SHROOM3: variants seen among roughly 807,000 people sequenced by gnomAD.
The protein encoded by SHROOM3 is protein Shroom3.
A neutral mutation model predicts 138.6 loss-of-function variants in SHROOM3; 47 were observed. The ratio of observed to expected loss-of-function variants is 0.34; its 90% CI spans 0.27 to 0.43. The LOEUF is 0.43. Ranked by LOEUF, SHROOM3 falls within the 20% of genes least tolerant of loss-of-function variation. The pLI, the probability that SHROOM3 is intolerant of heterozygous loss-of-function variation, is 1.00. For missense variants in SHROOM3, 2,491 were observed against 2,596.5 expected, an observed-to-expected ratio of 0.96 and a Z score of 0.88; for synonymous variants, 1,062 against 1,063.3, an observed-to-expected ratio of 1.00 and a Z score of 0.02.
chr4:76,550,193 A>T (rs752043782), intron 1 of SHROOM3, among the ~76,000 whole-genome samples: 7 of 152,214 alleles, frequency 4.6e-5, no homozygotes, highest in Non-Finnish European at 1.0e-4. Context: ...CTAGAATATA[A>T]ACTCTGGGAA....
intron 6 of SHROOM3, among the ~76,000 whole-genome samples, chr4:76,753,603 C>T (rs879524839): frequency 5.3e-5 from 8 of 152,164 alleles, no homozygotes; most frequent in Non-Finnish European, 8.8e-5. Flanking sequence ...GATTTTTCTC[C>T]TTTAGAACAC....
chr4:76,482,689 C>G (rs962135498), intron 1 of SHROOM3, among the ~76,000 whole-genome samples: 6 of 152,112 alleles, frequency 3.9e-5, no homozygotes, highest in African/African-American at 1.4e-4. Context: ...CCCACATAGC[C>G]AAGACAATCC....
At chr4:76,540,454 C>A (rs1733074898) in intron 1 of SHROOM3, among the ~76,000 whole-genome samples, 1 of 152,154 alleles carries the variant, frequency 6.6e-6, no homozygotes, top group South Asian at 2.1e-4. Context: ...TAAGTCTAAA[C>A]ACGTAGGGGA....
In SHROOM3 at chr4:76,509,126, T is replaced by C. The variant is rs555528421; in HGVS notation, c.169-46483T>C. ...TGGAGGGACACATACATTCAAACCATAGCAATATGTTTTGCATTTCTTTTG... is the reference window on the plus strand; with the variant it reads ...TGGAGGGACACATACATTCAAACCACAGCAATATGTTTTGCATTTCTTTTG... On this transcript the variant is annotated intron_variant, in intron 1 of 10. Coordinates refer to ENST00000296043, the MANE Select transcript of SHROOM3 (RefSeq NM_020859.4). 2.0e-5 allele frequency among the ~76,000 whole-genome samples: 3 copies of C among 152,350 alleles called. No homozygotes were observed. The East Asian group carries it at 5.8e-4, about 29-fold the overall frequency.
intron 1 of SHROOM3, among the ~76,000 whole-genome samples, chr4:76,489,238 A>AT (rs897956305): frequency 6.6e-6 from 1 of 152,056 alleles, no homozygotes; most frequent in Non-Finnish European, 1.5e-5. Flanking sequence ...AAGATATGCA[A>AT]TTTTTTTTCT....
In SHROOM3 at chr4:76,436,100, C is replaced by T. The variant is rs748351953; in HGVS notation, c.48C>T (p.Asn16=). Residue 16 remains asparagine (N), a synonymous_variant, in exon 1 of 11, where the codon AAC becomes AAT. Coordinates refer to ENST00000296043, the MANE Select transcript of SHROOM3 (RefSeq NM_020859.4). ...EDFHKPSATL[N]SNTATKGRYI... is the part of the protein sequence containing the mutation. ...TCCACAAGCCTAGTGCCACATTAAA[C>T]TCTAACACGGCCACCAAGGGAAGGT... is the stretch of plus-strand genomic sequence containing the variant. 22 of 1,614,032 alleles carry T rather than the reference C, an allele frequency of 1.4e-5. No individual in the cohort carries two copies. In the South Asian group the frequency reaches 2.1e-4, roughly 15 times the overall value.
intron 1 of SHROOM3, among the ~76,000 whole-genome samples, chr4:76,486,614 C>T (rs1277911532): frequency 6.6e-6 from 1 of 152,170 alleles, no homozygotes; most frequent in Non-Finnish European, 1.5e-5. Flanking sequence ...AAGAAAGCTA[C>T]ATGCTGGTGT....
intron 1 of SHROOM3, among the ~76,000 whole-genome samples, chr4:76,450,972 A>G (rs1730914245): frequency 6.7e-6 from 1 of 149,638 alleles, no homozygotes; most frequent in South Asian, 2.1e-4. Flanking sequence ...TTTTTTTGAG[A>G]TGGAGTTTAG....
chr4:76,676,944 CAAAAAAAAAA>C (rs58270392), intron 2 of SHROOM3, among the ~76,000 whole-genome samples: 3 of 79,074 alleles, frequency 3.8e-5, no homozygotes, highest in African/African-American at 5.7e-5. Flanking sequence ...CTCCGTCTCA[CAAAAAAAAAA>C]AAAAAAAAAA....
intron 1 of SHROOM3, among the ~76,000 whole-genome samples, chr4:76,468,952 T>G (rs1260085067): frequency 6.6e-6 from 1 of 151,184 alleles, no homozygotes; most frequent in East Asian, 1.9e-4. Flanking sequence ...GAGAATGGCA[T>G]GAACCTGGGA....
intron 2 of SHROOM3, among the ~76,000 whole-genome samples, chr4:76,672,077 G>GT (rs1718900013): frequency 2.0e-5 from 3 of 151,840 alleles, no homozygotes; most frequent in African/African-American, 7.3e-5. Context: ...GGGAAAGAGT[G>GT]TTTTTCAGAG....
chr4:76,436,501 T>G (rs10019906), intron 1 of SHROOM3, among the ~76,000 whole-genome samples: 1,882 of 152,316 alleles, frequency 0.012, 35 homozygotes, highest in African/African-American at 0.043. Flanking sequence ...CATGAGCTTT[T>G]CAGTTATAAA....
chr4:76,629,564 G>A (rs558722527), intron 2 of SHROOM3, among the ~76,000 whole-genome samples: 1 of 152,350 alleles, frequency 6.6e-6, no homozygotes, highest in African/African-American at 2.4e-5. Context: ...GGATTCCAGT[G>A]AGGAGGCTGT....
intron 2 of SHROOM3, among the ~76,000 whole-genome samples, chr4:76,662,211 TTCCTTCTTGTTGTTGGTTGAATTCAGC>T (rs1332778906): frequency 1.3e-5 from 2 of 152,120 alleles, no homozygotes; most frequent in Admixed American, 1.3e-4. Flanking sequence ...TACTTCGAAG[TTCCTTCTTGTTGTTGGTTGAATTCAGC>T]TCCTTCTTGT....
intron 9 of SHROOM3, among the ~76,000 whole-genome samples, chr4:76,760,832 C>T (rs1256227529): frequency 6.6e-6 from 1 of 152,210 alleles, no homozygotes; most frequent in Non-Finnish European, 1.5e-5. Context: ...GACCACTTGG[C>T]TTTTGGTCTG....
intron 2 of SHROOM3, among the ~76,000 whole-genome samples, chr4:76,644,886 G>A (rs1261560351): frequency 6.6e-6 from 1 of 152,066 alleles, no homozygotes; most frequent in Non-Finnish European, 1.5e-5. Flanking sequence ...TTCAAATGGG[G>A]TTCAGTTTTC....
chr4:76,467,019 C>T (rs1457885924), intron 1 of SHROOM3, among the ~76,000 whole-genome samples: 1 of 149,690 alleles, frequency 6.7e-6, no homozygotes, highest in East Asian at 2.0e-4. Context: ...TATATATTAT[C>T]TTGGCCCTCC....
At chr4:76,593,646 G>A (rs1223985398) in intron 2 of SHROOM3, among the ~76,000 whole-genome samples, 1 of 152,182 alleles carries the variant, frequency 6.6e-6, no homozygotes, top group Non-Finnish European at 1.5e-5. Flanking sequence ...AAATTTGGGT[G>A]AGAACTTGAC....
intron 2 of SHROOM3, among the ~76,000 whole-genome samples, chr4:76,670,200 A>C (rs1476983763): frequency 6.6e-6 from 1 of 152,248 alleles, no homozygotes; most frequent in Non-Finnish European, 1.5e-5. Flanking sequence ...AGTGTTCATC[A>C]ACTTGTAAAT....
Sources: gnomAD v4.1 joint callset for allele counts (sites outside exome capture counted in the v4.1 genomes callset) on GRCh38, gnomAD v4.1.1 for gene constraint, MANE v1.5 for transcripts, NCBI Gene and HGNC (gene_info 2026-07-23, HGNC 2026-07-21) for gene names.